The following TVP23C variants were observed in gnomAD, a reference collection of about 807,000 sequenced individuals.
TVP23C encodes Golgi apparatus membrane protein TVP23 homolog C.
TVP23C carries 19 observed loss-of-function variants against 28.7 expected under a neutral mutation model. The ratio of observed to expected loss-of-function variants is 0.66; its 90% CI spans 0.46 to 0.97. TVP23C has a LOEUF of 0.97. Among genes scored for constraint, TVP23C ranks in the 50% least tolerant of loss-of-function variants. TVP23C has a pLI of 0.00. For synonymous variants in TVP23C, 68 were observed against 81.7 expected (o/e 0.83, Z 0.90); for missense variants, 186 against 241.3 (o/e 0.77, Z 1.52).
downstream of TVP23C, among the ~76,000 whole-genome samples, chr17:15,535,415 G>C (rs539544757): frequency 6.6e-6 from 1 of 150,746 alleles, no homozygotes; most frequent in African/African-American, 2.4e-5. Context: ...AAACTACACA[G>C]TGTAGGTGTT....
At position 15,505,380 on chromosome 17, in the gene TVP23C, G is replaced by A. The variant is rs191981788; in HGVS notation, c.463-2148C>T. ...TCTCCCACCAGTCTCAGGCAGTGAC[G>A]CCTACTGGTTTAGAGCACAGATTCT... is the stretch of plus-strand genomic sequence containing the variant. On this transcript the variant is annotated intron_variant, in intron 5 of 5. Coordinates refer to the TVP23C transcript ENST00000225576. Among the ~76,000 whole-genome samples, 61 of 152,288 alleles carry A rather than the reference G, an allele frequency of 4.0e-4. 1 individual carries two copies. The highest frequency in any genetic ancestry group is 3.5e-3 in the Admixed American group (54 of 15,294).
chr17:15,524,063 GGT>G (rs10578424), intron 5 of TVP23C, among the ~76,000 whole-genome samples: 31,550 of 135,952 alleles, frequency 0.23, 3,468 homozygotes, highest in Admixed American at 0.26. Flanking sequence ...AGCAGAGTGG[GGT>G]GTGTGTGTGT....
Position 15,538,579 on chromosome 17 carries a change from A to G in TVP23C, c.*1833T>C, listed in dbSNP as rs1468210932. The G allele has an allele frequency of 1.0e-6, 1 of 968,360 alleles. No individual in the cohort carries two copies. Among genetic ancestry groups the G allele is most frequent in the Non-Finnish European group, 1.2e-6 (1 of 814,672 alleles). 60.0% of individuals were successfully genotyped at this position (968,360 alleles called of 1,614,324 possible). Reference sequence around the variant, plus strand: ...CACTCCAGCCTGGGCAAACAGAGTGAGACTCTGTCTCAAAAAAAATAAATA... The same window carrying G: ...CACTCCAGCCTGGGCAAACAGAGTGGGACTCTGTCTCAAAAAAAATAAATA... On this transcript the variant is annotated 3_prime_UTR_variant, in exon 6 of 6. Coordinates refer to ENST00000518321, the MANE Select transcript of TVP23C (RefSeq NM_001135036.2).
Position 15,538,939 on chromosome 17 carries a change from C to G in TVP23C, c.*1473G>C. The G allele has an allele frequency of 2.0e-6, 2 of 985,830 alleles. No homozygotes were observed. Among genetic ancestry groups the G allele is most frequent in the Non-Finnish European group, 2.4e-6 (2 of 829,914 alleles). The allele number at this position is 985,830 out of a possible 1,614,324, so 61.1% of individuals were successfully genotyped here. ...AATATTCATTTTCTCTACTTTTCAT[C>G]TTCTGTGAGAGAAACTGTACAGTAG... On this transcript the variant is annotated 3_prime_UTR_variant, in exon 6 of 6. Coordinates refer to ENST00000518321, the MANE Select transcript of TVP23C (RefSeq NM_001135036.2).
At chr17:15,556,831 C>A (rs886712546) in intron 1 of TVP23C, among the ~76,000 whole-genome samples, 40 of 152,126 alleles carry the variant, frequency 2.6e-4, no homozygotes, top group Non-Finnish European at 4.7e-4. Context: ...ATATGGAAAT[C>A]ACACCATGTC....
At chr17:15,549,363 C>T (rs1244736946) in intron 3 of TVP23C, among the ~76,000 whole-genome samples, 1 of 151,976 alleles carries the variant, frequency 6.6e-6, no homozygotes, top group African/African-American at 2.4e-5. Flanking sequence ...CCAGGCCCCA[C>T]GAAAGGGAAC....
intron 5 of TVP23C, among the ~76,000 whole-genome samples, chr17:15,519,481 TAC>T (rs3031137): frequency 0.54 from 76,765 of 142,688 alleles, 19,988 homozygotes; most frequent in Middle Eastern, 0.64. Context: ...CAAATAAATA[TAC>T]ACACACACAC....
At chr17:15,552,400 G>A (rs1983932533) in intron 3 of TVP23C, among the ~76,000 whole-genome samples, 1 of 152,210 alleles carries the variant, frequency 6.6e-6, no homozygotes, top group Non-Finnish European at 1.5e-5. Context: ...ATTAAAAGAT[G>A]GCCAGGCGCA....
Position 15,538,837 on chromosome 17 carries a change from C to G in TVP23C, c.*1575G>C. 1 of 985,758 alleles carries G rather than the reference C, an allele frequency of 1.0e-6. No homozygotes were observed. The highest frequency in any genetic ancestry group is 1.2e-6 in the Non-Finnish European group (1 of 829,928). The allele number at this position is 985,758 out of a possible 1,614,324, so 61.1% of individuals were successfully genotyped here. A position where few individuals can be genotyped will look rare whatever the true frequency, so the allele number is the denominator to read the frequency against. On this transcript the variant is annotated 3_prime_UTR_variant, in exon 6 of 6. Coordinates refer to ENST00000518321, the MANE Select transcript of TVP23C (RefSeq NM_001135036.2). Reference sequence around the variant, plus strand: ...TAATAAGCACATACATGAAAGTTACCCTAAGGTGGACCACAGTAAAGGTAT... The same window carrying G: ...TAATAAGCACATACATGAAAGTTACGCTAAGGTGGACCACAGTAAAGGTAT...
At chr17:15,554,236 CTTTTTT>C (rs60423951) in intron 2 of TVP23C, among the ~76,000 whole-genome samples, 38 of 125,380 alleles carry the variant, frequency 3.0e-4, no homozygotes, top group Non-Finnish European at 5.3e-4. Context: ...TTGTTTGTTT[CTTTTTT>C]TTTTTTTTTT....
At chr17:15,536,142 A>G (rs796306581), downstream of TVP23C, among the ~76,000 whole-genome samples, 24 of 152,168 alleles carry the variant, frequency 1.6e-4, no homozygotes, top group African/African-American at 5.5e-4. Context: ...ATGATCCGAG[A>G]TCACACCACT....
chr17:15,555,252 T>C (rs762115776), intron 2 of TVP23C, 30 bp downstream of exon 2: 61 of 1,613,788 alleles, frequency 3.8e-5, no homozygotes, highest in Non-Finnish European at 5.0e-5. Flanking sequence ...CACTGGACAC[T>C]AACACAGCTC....
intron 3 of TVP23C, 90 bp downstream of exon 3, chr17:15,553,595 A>C (rs895445387): frequency 5.3e-5 from 80 of 1,500,866 alleles, no homozygotes; most frequent in Non-Finnish European, 6.8e-5. Flanking sequence ...TGAAGTAACA[A>C]AAGATTAACA....
At chr17:15,552,595 A>C (rs1983943688) in intron 3 of TVP23C, among the ~76,000 whole-genome samples, 1 of 151,786 alleles carries the variant, frequency 6.6e-6, no homozygotes, top group South Asian at 2.1e-4. Flanking sequence ...GAGGCAGGAG[A>C]ATCACCTGAA....
In TVP23C at chr17:15,506,953, C is replaced by T; in HGVS notation, c.463-3721G>A. 4.9e-6 allele frequency: 6 copies of T among 1,214,118 alleles called. No individual in the cohort carries two copies. The South Asian group carries it at 7.2e-5, about 15-fold the overall frequency. 75.2% of individuals were successfully genotyped at this position (1,214,118 alleles called of 1,614,324 possible). ...CTTTGAGCTGTTTGCAAACAAGATT[C>T]CAAAGACGGCAGAAAACTTTCATGC... On this transcript the variant is annotated intron_variant, in intron 5 of 5. Coordinates refer to the TVP23C transcript ENST00000225576.
chr17:15,556,957 T>C (rs534295012), intron 1 of TVP23C, among the ~76,000 whole-genome samples: 1 of 151,194 alleles, frequency 6.6e-6, no homozygotes, highest in Non-Finnish European at 1.5e-5. Flanking sequence ...CTTCTGACAC[T>C]GTCTTCATTG....
chr17:15,513,463 T>C (rs1048929044), intron 5 of TVP23C, among the ~76,000 whole-genome samples: 2 of 152,210 alleles, frequency 1.3e-5, no homozygotes, highest in African/African-American at 4.8e-5. Context: ...TAGAGGAAGC[T>C]CCAGCCTGAG....
At chr17:15,503,707 T>G (rs750300537) in intron 5 of TVP23C, 1 of 152,566 alleles carries the variant, frequency 6.6e-6, no homozygotes, top group Non-Finnish European at 1.5e-5. Flanking sequence ...GTATATGGTT[T>G]GCTGAAATCT....
rs57432478 is a variant in TVP23C at position 15,502,809 on chromosome 17, C to CCTCTCTCTCT, written c.*45_*54dup. The CCTCTCTCTCT allele has an allele frequency of 2.2e-5, 31 of 1,415,730 alleles. No individual in the cohort carries two copies. In the African/African-American group the frequency reaches 4.1e-4, roughly 19 times the overall value. 87.7% of individuals were successfully genotyped at this position (1,415,730 alleles called of 1,614,324 possible). ...TCCCTCTCTCCTCTCTCCTCTCTCT[C>CCTCTCTCTCT]CTCTCTCTCTCTCTCTCTCTCTCCT... On this transcript the variant is annotated 3_prime_UTR_variant, in exon 6 of 6. Transcript: ENST00000225576.
Sources: allele counts gnomAD v4.1 joint callset (sites outside exome capture counted in the v4.1 genomes callset), GRCh38; gene constraint gnomAD v4.1.1; transcripts MANE v1.5; gene names NCBI Gene and HGNC (gene_info 2026-07-23, HGNC 2026-07-21).